ELSPBP1: variants seen among roughly 807,000 people sequenced by gnomAD.
The protein encoded by ELSPBP1 is epididymal sperm-binding protein 1.
Under a neutral mutation model 33.3 loss-of-function variants are expected in ELSPBP1, and 38 were observed. The ratio of observed to expected loss-of-function variants is 1.14; its 90% confidence interval spans 0.88 to 1.50. The LOEUF (loss-of-function observed/expected upper bound fraction) is 1.50. ELSPBP1 is among the 40% of genes most tolerant of loss of function. The probability of loss-of-function intolerance (pLI) is 0.00; values close to 1 mark genes in which losing one functional copy is unlikely to be tolerated. For missense variants in ELSPBP1, 267 were observed against 263.5 expected, an observed-to-expected ratio of 1.01 and a Z score of -0.09; for synonymous variants, 85 against 94.1, an observed-to-expected ratio of 0.90 and a Z score of 0.56.
chr19:48,016,456 TTTTCTTTCC>T (rs1245910551), intron 4 of ELSPBP1, among the ~76,000 whole-genome samples: 1 of 100,184 alleles, frequency 1.0e-5, no homozygotes, highest in African/African-American at 4.3e-5. Flanking sequence ...TTTCTCTTTC[TTTTCTTTCC>T]TTCTTTCTTT....
chr19:48,007,181 G>A (rs950319523), intron 1 of ELSPBP1, among the ~76,000 whole-genome samples: 6 of 152,054 alleles, frequency 3.9e-5, no homozygotes, highest in South Asian at 2.1e-4. Flanking sequence ...TTGGACCCTC[G>A]TGGCCACCCG....
chr19:48,015,977 T>G lies in ELSPBP1; in HGVS notation c.293T>G (p.Leu98Arg). The G allele has an allele frequency of 6.2e-7, 1 of 1,614,082 alleles. No individual in the cohort carries two copies. The highest frequency in any genetic ancestry group is 8.5e-7 in the Non-Finnish European group (1 of 1,179,972). The change falls in exon 4 of 7, where the codon CTG (leucine) becomes CGG (arginine). Residue 98 changes from leucine to arginine, a missense_variant. By Grantham distance (102) the Leu-to-Arg change is moderately radical (BLOSUM62 -2). Transcript: ENST00000339841. ...TCCCAGGGCAGCTTCTTAGGCAGTC[T>G]GTGGTGCTCAGTCACCTCTGTCTTC... ...CISQGSFLGS[L>R]WCSVTSVFDE...
intron 5 of ELSPBP1, among the ~76,000 whole-genome samples, chr19:48,021,362 A>G (rs1391450295): frequency 6.7e-6 from 1 of 149,824 alleles, no homozygotes; most frequent in Non-Finnish European, 1.5e-5. Flanking sequence ...AGCAGTGCCC[A>G]GGCAGTGTCT....
intron 1 of ELSPBP1, among the ~76,000 whole-genome samples, chr19:48,004,944 A>ATC (rs1263936040): frequency 6.6e-6 from 1 of 152,210 alleles, no homozygotes; most frequent in Admixed American, 6.5e-5. Flanking sequence ...CTTGCCTGTA[A>ATC]TCCCAGTGCT....
At chr19:48,020,681 C>A (rs1019498882) in intron 5 of ELSPBP1, among the ~76,000 whole-genome samples, 3 of 152,168 alleles carry the variant, frequency 2.0e-5, no homozygotes, top group Admixed American at 2.0e-4. Flanking sequence ...CAGCATTCTC[C>A]TTCTCCCTCC....
chr19:48,001,660 A>G (rs184229671), intron 1 of ELSPBP1, among the ~76,000 whole-genome samples: 512 of 152,062 alleles, frequency 3.4e-3, no homozygotes, highest in Non-Finnish European at 5.6e-3. Context: ...CTCCTGCCTC[A>G]GCCTCTTGAG....
chr19:48,003,336 T>C, intron 1 of ELSPBP1, among the ~76,000 whole-genome samples: 1 of 103,754 alleles, frequency 9.6e-6, no homozygotes, highest in South Asian at 2.6e-4. Context: ...GCCATGCAAA[T>C]AGCTGGGGTC....
intron 1 of ELSPBP1, among the ~76,000 whole-genome samples, chr19:48,001,227 G>C (rs979341615): frequency 5.9e-5 from 9 of 151,516 alleles, no homozygotes; most frequent in East Asian, 1.9e-4. Context: ...CTGGAGTGTG[G>C]TGGTGCAATC....
At chr19:48,014,529 T>TGGGGGGG (rs1206329828) in intron 3 of ELSPBP1, among the ~76,000 whole-genome samples, 1 of 43,906 alleles carries the variant, frequency 2.3e-5, no homozygotes, top group Non-Finnish European at 4.1e-5. Flanking sequence ...TGTTGTGGGG[T>TGGGGGGG]GGGGGGCGGG....
At position 48,004,814 on chromosome 19, in the gene ELSPBP1, C is replaced by G. The variant is rs371161690; in HGVS notation, c.-17-3837C>G. 1.2e-4 allele frequency among the ~76,000 whole-genome samples: 19 copies of G among 152,366 alleles called. No homozygotes were observed. The East Asian group carries it at 3.5e-3, about 28-fold the overall frequency. ...GCAGGGCCTATGCCTGCTTTACCCA[C>G]TGCTGCATACTCATCGTGTAGCCCT... On this transcript the variant is annotated intron_variant, in intron 1 of 6. Coordinates refer to ENST00000339841, the MANE Select transcript of ELSPBP1 (RefSeq NM_022142.5).
rs534208054 is a variant in ELSPBP1 at position 48,011,386 on chromosome 19, C to T, written c.70+2649C>T. Among the ~76,000 whole-genome samples, 30 of 147,530 alleles carry T rather than the reference C, an allele frequency of 2.0e-4. No homozygotes were observed. The highest frequency in any genetic ancestry group is 6.0e-4 in the African/African-American group (24 of 39,704). On this transcript the variant is annotated intron_variant, in intron 2 of 6. Transcript: ENST00000339841. The surrounding 1 kb of genome is among the most constrained non-coding windows in gnomAD (Gnocchi z 4.5). ...ATGATGATGGTGACAATGATGATGA[C>T]GATGATAATGATGATGTCAATAATG...
intron 4 of ELSPBP1, among the ~76,000 whole-genome samples, 186 bp from the exon 5 acceptor site, chr19:48,019,533 G>A (rs1967175889): frequency 6.6e-6 from 1 of 152,150 alleles, no homozygotes; most frequent in Non-Finnish European, 1.5e-5. Context: ...AGCTGTGCAC[G>A]AGTTGATAGT....
chr19:48,016,627 C>A (rs137930833), intron 4 of ELSPBP1, among the ~76,000 whole-genome samples: 38 of 150,846 alleles, frequency 2.5e-4, no homozygotes, highest in Admixed American at 6.7e-4. Context: ...TTTACAGGGT[C>A]TTGCTCTGTC....
rs191236415 is a variant in ELSPBP1, at chr19:48,022,417, C to T, written c.*7+83C>T. On this transcript the variant is annotated intron_variant, in intron 6 of 6. Transcript: ENST00000339841. ...AACTGGTGTGTCACTGATGCGAAGGCGAGATCTGCTTTTTCAAGCGTGTCT... is the reference window on the plus strand; with the variant it reads ...AACTGGTGTGTCACTGATGCGAAGGTGAGATCTGCTTTTTCAAGCGTGTCT... The T allele has an allele frequency of 4.6e-5, 58 of 1,252,652 alleles. 1 individual carries two copies. In the African/African-American group the frequency reaches 4.9e-4, roughly 11 times the overall value. The allele number at this position is 1,252,652 out of a possible 1,614,324, so 77.6% of individuals were successfully genotyped here.
chr19:48,007,992 G>T (rs1410854427), intron 1 of ELSPBP1, among the ~76,000 whole-genome samples: 3 of 152,260 alleles, frequency 2.0e-5, no homozygotes, highest in Non-Finnish European at 4.4e-5. Context: ...GACAGTACAT[G>T]ACAGTAGAGT....
intron 1 of ELSPBP1, among the ~76,000 whole-genome samples, chr19:47,996,878 G>C (rs1166869148): frequency 6.6e-6 from 1 of 152,202 alleles, no homozygotes; most frequent in East Asian, 1.9e-4. Flanking sequence ...CTAGCATGGT[G>C]AATGAATGTT....
chr19:48,024,129 C>A (rs1967245557), intron 6 of ELSPBP1, among the ~76,000 whole-genome samples: 1 of 151,536 alleles, frequency 6.6e-6, no homozygotes, highest in Non-Finnish European at 1.5e-5. Context: ...GGTGATCCAT[C>A]CAACTCGGCC....
intron 4 of ELSPBP1, among the ~76,000 whole-genome samples, chr19:48,016,426 C>T (rs927840470): frequency 4.0e-5 from 6 of 149,882 alleles, no homozygotes; most frequent in African/African-American, 1.5e-4. Context: ...TTTCCTCCCT[C>T]CCTTCCTCCC....
At chr19:47,998,432 T>A (rs1453233383) in intron 1 of ELSPBP1, among the ~76,000 whole-genome samples, 1 of 150,772 alleles carries the variant, frequency 6.6e-6, no homozygotes, top group Non-Finnish European at 1.5e-5. Flanking sequence ...AAAAAATCAA[T>A]CAATCAATCA....
Sources: gnomAD v4.1 joint callset for allele counts (sites outside exome capture counted in the v4.1 genomes callset) on GRCh38, gnomAD v4.1.1 for gene constraint, Gnocchi (gnomAD v3.1) non-coding constraint, MANE v1.5 for transcripts, NCBI Gene and HGNC (gene_info 2026-07-23, HGNC 2026-07-21) for gene names.